The following THSD7B variants were observed in gnomAD, a reference collection of about 807,000 sequenced individuals.
The protein encoded by THSD7B is thrombospondin type-1 domain-containing protein 7B.
A neutral mutation model predicts 213.6 loss-of-function variants in THSD7B; 138 were observed. The observed-to-expected ratio is 0.65, with a 90% CI of 0.56 to 0.74. THSD7B has a LOEUF of 0.74. THSD7B is among the 30% of genes least tolerant of loss of function. The pLI, the probability that THSD7B is intolerant of heterozygous loss-of-function variation, is 0.00. For synonymous variants in THSD7B, 742 were observed against 687.0 expected, an observed-to-expected ratio of 1.08 and a Z score of -1.25; for missense variants, 1,931 against 1,991.5, an observed-to-expected ratio of 0.97 and a Z score of 0.58.
chr2:137,238,615 G>A lies in THSD7B; in HGVS notation c.2151-3842G>A, dbSNP rs1430650645. ...AGGCCGGACTGCGGACTGCAGTGGC[G>A]CAATCTCGGCTCACTGCAAGCTCCG... On this transcript the variant is annotated intron_variant, in intron 9 of 27. Coordinates refer to ENST00000409968, the MANE Select transcript of THSD7B (RefSeq NM_001316349.2). Among the ~76,000 whole-genome samples the A allele has an allele frequency of 6.1e-5, 8 of 130,748 alleles. No individual in the cohort carries two copies. In the South Asian group the frequency reaches 8.2e-4, roughly 13 times the overall value. 85.8% of individuals were successfully genotyped at this position (130,748 alleles called of 152,430 possible). A position where few individuals can be genotyped will look rare whatever the true frequency, so the allele number is the denominator to read the frequency against.
rs70978214 is a variant in THSD7B, at chr2:137,389,402, A to ATTTTTTTTTTTTT, written c.2501-16196_2501-16184dup. 6.3e-4 allele frequency among the ~76,000 whole-genome samples: 24 copies of ATTTTTTTTTTTTT among 38,076 alleles called. 1 individual carries two copies. Among genetic ancestry groups the ATTTTTTTTTTTTT allele is most frequent in the Non-Finnish European group, 8.8e-4 (20 of 22,800 alleles). 25.0% of individuals were successfully genotyped at this position (38,076 alleles called of 152,430 possible). ...GATAGTTTGACCACTTCTTAATGTG[A>ATTTTTTTTTTTTT]TTTTTTTTTTTTTTTTTTTTTTTTT... On this transcript the variant is annotated intron_variant, in intron 12 of 27. Transcript: ENST00000409968.
At chr2:136,802,282 G>A (rs904789175) in intron 1 of THSD7B, among the ~76,000 whole-genome samples, 1 of 152,040 alleles carries the variant, frequency 6.6e-6, no homozygotes, top group Admixed American at 6.6e-5. Flanking sequence ...ATATAATCCC[G>A]TGGATCCTTG....
chr2:136,853,038 A>ATG (rs1170600727), intron 1 of THSD7B, among the ~76,000 whole-genome samples: 1 of 150,984 alleles, frequency 6.6e-6, no homozygotes, highest in Non-Finnish European at 1.5e-5. Context: ...GTGTGTGTGC[A>ATG]TGTGTGTGTG....
At chr2:137,368,362 A>T (rs1164880421) in intron 12 of THSD7B, among the ~76,000 whole-genome samples, 2 of 151,996 alleles carry the variant, frequency 1.3e-5, no homozygotes, top group African/African-American at 2.4e-5. Context: ...TCACTTAAAA[A>T]TTTTTTAAAA....
chr2:137,271,591 C>G (rs1227554801), intron 10 of THSD7B, among the ~76,000 whole-genome samples: 1 of 150,974 alleles, frequency 6.6e-6, no homozygotes, highest in African/African-American at 2.4e-5. Flanking sequence ...CTTCGGTTGC[C>G]ACAGTCAAAA....
At chr2:137,375,155 C>T (rs1685624594) in intron 12 of THSD7B, among the ~76,000 whole-genome samples, 1 of 152,086 alleles carries the variant, frequency 6.6e-6, no homozygotes, top group Admixed American at 6.6e-5. Context: ...TATTGTTAGT[C>T]ACATTAAGGT....
chr2:137,310,825 C>T (rs1022101903), intron 12 of THSD7B, among the ~76,000 whole-genome samples: 90 of 152,028 alleles, frequency 5.9e-4, no homozygotes, highest in South Asian at 2.7e-3. Flanking sequence ...AGATATGCGG[C>T]GTTATTTCTG....
rs565135384 is a variant in THSD7B at position 137,142,230 on chromosome 2, G to T, written c.1370-17983G>T. Reference sequence around the variant, plus strand: ...AAAGGAATCTAGTGAGAGCCTTCTTGCTGTGTTATAACATGGCAGAAAGTA... The same window carrying T: ...AAAGGAATCTAGTGAGAGCCTTCTTTCTGTGTTATAACATGGCAGAAAGTA... On this transcript the variant is annotated intron_variant, in intron 5 of 27. Coordinates refer to ENST00000409968, the MANE Select transcript of THSD7B (RefSeq NM_001316349.2). 2.6e-5 allele frequency among the ~76,000 whole-genome samples: 4 copies of T among 152,222 alleles called. No individual in the cohort carries two copies. In the East Asian group the frequency reaches 5.8e-4, roughly 22 times the overall value.
At chr2:136,944,789 T>G (rs1212895037) in intron 2 of THSD7B, among the ~76,000 whole-genome samples, 1 of 151,646 alleles carries the variant, frequency 6.6e-6, no homozygotes, top group Non-Finnish European at 1.5e-5. Flanking sequence ...TTTCTTTGCA[T>G]GTGAGATGGG....
intron 2 of THSD7B, among the ~76,000 whole-genome samples, chr2:137,018,528 C>G (rs971665593): frequency 1.3e-5 from 2 of 152,134 alleles, no homozygotes; most frequent in African/African-American, 4.8e-5. Flanking sequence ...TTCACTCTTA[C>G]AGTGATGCTT....
At chr2:136,856,183 A>T (rs1368659614) in intron 1 of THSD7B, among the ~76,000 whole-genome samples, 1 of 152,106 alleles carries the variant, frequency 6.6e-6, no homozygotes, top group Non-Finnish European at 1.5e-5. Flanking sequence ...CATATGGTAG[A>T]CTCTGGCTTG....
intron 14 of THSD7B, among the ~76,000 whole-genome samples, chr2:137,435,857 G>A (rs1687279126): frequency 6.6e-6 from 1 of 152,026 alleles, no homozygotes; most frequent in Non-Finnish European, 1.5e-5. Context: ...TGTTGTTCAG[G>A]TGACTCTGTG....
intron 12 of THSD7B, among the ~76,000 whole-genome samples, chr2:137,345,012 G>T (rs548981658): frequency 5.3e-5 from 8 of 151,710 alleles, no homozygotes; most frequent in East Asian, 3.9e-4. Flanking sequence ...TATACATTCA[G>T]CTACCCAACA....
At chr2:137,602,355 C>T (rs778104708) in intron 17 of THSD7B, among the ~76,000 whole-genome samples, 2 of 151,906 alleles carry the variant, frequency 1.3e-5, no homozygotes, top group East Asian at 1.9e-4. Flanking sequence ...CTGAAACCTC[C>T]GCCTCCCAGA....
At chr2:137,672,727 A>ACTT (rs1683604505) in intron 27 of THSD7B, among the ~76,000 whole-genome samples, 1 of 152,234 alleles carries the variant, frequency 6.6e-6, no homozygotes, top group South Asian at 2.1e-4. Context: ...TTTGGTGTAT[A>ACTT]CTTCAGATGA....
At chr2:137,542,873 C>T (rs556510156) in intron 15 of THSD7B, among the ~76,000 whole-genome samples, 38 of 151,838 alleles carry the variant, frequency 2.5e-4, no homozygotes, top group African/African-American at 7.9e-4. Flanking sequence ...CATTTATGAT[C>T]GTTTTGGCAA....
At chr2:137,528,656 G>A (rs1161005819) in intron 15 of THSD7B, among the ~76,000 whole-genome samples, 1 of 152,000 alleles carries the variant, frequency 6.6e-6, no homozygotes, top group Non-Finnish European at 1.5e-5. Flanking sequence ...ATCCCACACT[G>A]CCTTTTCAAT....
At chr2:137,664,199 C>G (rs1683405592) in intron 26 of THSD7B, among the ~76,000 whole-genome samples, 1 of 152,184 alleles carries the variant, frequency 6.6e-6, no homozygotes, top group Admixed American at 6.5e-5. Context: ...ATGATCTACT[C>G]TTATAACTGA....
intron 2 of THSD7B, among the ~76,000 whole-genome samples, chr2:136,989,106 G>C (rs1685718603): frequency 6.6e-6 from 1 of 152,230 alleles, no homozygotes; most frequent in South Asian, 2.1e-4. Context: ...TTCTCATTGA[G>C]ACTGAAGTCC....
Sources: allele counts gnomAD v4.1 joint callset (sites outside exome capture counted in the v4.1 genomes callset), GRCh38; gene constraint gnomAD v4.1.1; transcripts MANE v1.5; gene names NCBI Gene and HGNC (gene_info 2026-07-23, HGNC 2026-07-21).